The following GNG4 variants were observed in gnomAD, a reference collection of about 807,000 sequenced individuals.
GNG4 encodes G protein subunit gamma 4, also known as guanine nucleotide-binding protein G(I)/G(S)/G(O) subunit gamma-4.
In GNG4, 4 loss-of-function variants were observed where a neutral mutation model predicts 5.8. That is an observed-to-expected ratio of 0.69 (90% CI 0.34 to 1.57). The LOEUF is 1.57. GNG4 is among the 40% of genes most tolerant of loss of function. The pLI is 0.06. For synonymous variants in GNG4, 29 were observed against 32.9 expected, an observed-to-expected ratio of 0.88 and a Z score of 0.41; for missense variants, 96 against 95.1, an observed-to-expected ratio of 1.01 and a Z score of -0.04.
At chr1:235,584,727 A>G (rs1024938148) in intron 2 of GNG4, among the ~76,000 whole-genome samples, 5 of 152,216 alleles carry the variant, frequency 3.3e-5, no homozygotes, top group Admixed American at 2.6e-4. Context: ...ATCTGCTTCA[A>G]AGGAAGCCTA....
intron 1 of GNG4, among the ~76,000 whole-genome samples, chr1:235,602,519 G>T (rs745835295): frequency 6.6e-6 from 1 of 152,136 alleles, no homozygotes; most frequent in Non-Finnish European, 1.5e-5. Flanking sequence ...GTGTTTCTGC[G>T]TCTCTTGGTC....
At chr1:235,560,217 G>T (rs769171088) in intron 3 of GNG4, among the ~76,000 whole-genome samples, 19 of 152,194 alleles carry the variant, frequency 1.2e-4, no homozygotes, top group South Asian at 2.1e-4. Flanking sequence ...GCCGTGGTTT[G>T]AAAGTGCTGT....
intron 1 of GNG4, among the ~76,000 whole-genome samples, chr1:235,637,463 G>A (rs1049838304): frequency 5.3e-5 from 8 of 151,846 alleles, no homozygotes; most frequent in Non-Finnish European, 2.9e-5. Flanking sequence ...GACCAGCCTG[G>A]GCAACATGGC....
intron 3 of GNG4, among the ~76,000 whole-genome samples, chr1:235,576,760 T>C (rs1456312484): frequency 6.6e-6 from 1 of 152,096 alleles, no homozygotes; most frequent in Non-Finnish European, 1.5e-5. Context: ...AAATATTAAA[T>C]GAATGGAGGT....
chr1:235,570,448 G>A (rs2102927309), intron 3 of GNG4, among the ~76,000 whole-genome samples: 1 of 139,466 alleles, frequency 7.2e-6, no homozygotes, highest in East Asian at 2.2e-4. Flanking sequence ...TCAGGCTAGA[G>A]TGCAATGGCA....
chr1:235,646,211 A>G (rs950213322), intron 1 of GNG4, among the ~76,000 whole-genome samples: 54 of 152,356 alleles, frequency 3.5e-4, no homozygotes, highest in African/African-American at 1.3e-3. Flanking sequence ...AGCAAGAGAA[A>G]CAAATCCTCC....
intron 1 of GNG4, among the ~76,000 whole-genome samples, chr1:235,598,612 C>A (rs1425802996): frequency 6.6e-6 from 1 of 151,902 alleles, no homozygotes; most frequent in Non-Finnish European, 1.5e-5. Context: ...CTCAAAAAAC[C>A]CCAAAAATAT....
At chr1:235,571,569 C>T (rs1687345915) in intron 3 of GNG4, among the ~76,000 whole-genome samples, 1 of 152,154 alleles carries the variant, frequency 6.6e-6, no homozygotes, top group Non-Finnish European at 1.5e-5. Context: ...ACACACATTA[C>T]TGATAAAAAT....
At chr1:235,636,717 C>G (rs1352797252) in intron 1 of GNG4, among the ~76,000 whole-genome samples, 3 of 152,104 alleles carry the variant, frequency 2.0e-5, no homozygotes, top group African/African-American at 7.2e-5. Flanking sequence ...GGTGGGATCC[C>G]CAATACTGAC....
At chr1:235,554,005 A>G (rs1173545167) in intron 3 of GNG4, among the ~76,000 whole-genome samples, 2 of 152,216 alleles carry the variant, frequency 1.3e-5, no homozygotes, top group African/African-American at 4.8e-5. Context: ...AGTGGGTTAC[A>G]GGACGCCCAT....
At chr1:235,630,916 TGAGACA>T (rs759746661) in intron 1 of GNG4, among the ~76,000 whole-genome samples, 152 of 152,178 alleles carry the variant, frequency 1.0e-3, no homozygotes, top group Admixed American at 3.7e-3. Flanking sequence ...TTTTTTTTTT[TGAGACA>T]GAGTCTTGCT....
At chr1:235,585,870 C>T (rs765522462) in intron 2 of GNG4, among the ~76,000 whole-genome samples, 1 of 152,138 alleles carries the variant, frequency 6.6e-6, no homozygotes, top group African/African-American at 2.4e-5. Context: ...GAATTCAGTA[C>T]TATTCTTAAG....
intron 2 of GNG4, among the ~76,000 whole-genome samples, chr1:235,594,395 C>T (rs1294530668): frequency 6.6e-6 from 1 of 152,244 alleles, no homozygotes; most frequent in African/African-American, 2.4e-5. Flanking sequence ...TCTGGGGCCA[C>T]AGGTGGAGCT....
chr1:235,589,786 C>G (rs1311038970), intron 2 of GNG4, among the ~76,000 whole-genome samples: 3 of 152,194 alleles, frequency 2.0e-5, no homozygotes, highest in Non-Finnish European at 2.9e-5. Flanking sequence ...GGGAATCAAC[C>G]AAGGACACGG....
chr1:235,625,817 C>T (rs984684622), intron 1 of GNG4, among the ~76,000 whole-genome samples: 1 of 152,184 alleles, frequency 6.6e-6, no homozygotes, highest in Non-Finnish European at 1.5e-5. Flanking sequence ...TGTTTCACAG[C>T]TTATTTATCC....
At chr1:235,560,955 C>T (rs929263361) in intron 3 of GNG4, among the ~76,000 whole-genome samples, 7 of 152,114 alleles carry the variant, frequency 4.6e-5, no homozygotes, top group East Asian at 1.9e-4. Flanking sequence ...TGTTTTCATA[C>T]GCTTATTTTC....
intron 1 of GNG4, among the ~76,000 whole-genome samples, chr1:235,602,216 G>A (rs1358672183): frequency 6.6e-6 from 1 of 152,120 alleles, no homozygotes. Flanking sequence ...AGGTTGCAGT[G>A]AGCTGAGATC....
chr1:235,568,676 C>T (rs982928892), intron 3 of GNG4, among the ~76,000 whole-genome samples: 1 of 152,064 alleles, frequency 6.6e-6, no homozygotes, highest in African/African-American at 2.4e-5. Flanking sequence ...GTTGTCCAGA[C>T]TGATATTTTC....
chr1:235,650,128 C>G (rs1285361920), upstream of GNG4: 1 of 150,376 alleles, frequency 6.6e-6, no homozygotes, highest in Non-Finnish European at 1.5e-5. Flanking sequence ...CGGGCCCGCG[C>G]CCCCCGCCCG....
Sources: gnomAD v4.1 joint callset for allele counts (sites outside exome capture counted in the v4.1 genomes callset) on GRCh38, gnomAD v4.1.1 for gene constraint, MANE v1.5 for transcripts, NCBI Gene and HGNC (gene_info 2026-07-23, HGNC 2026-07-21) for gene names.